Variants in USP32 observed in about 807,000 individuals in gnomAD.
The protein encoded by USP32 is ubiquitin carboxyl-terminal hydrolase 32.
A neutral mutation model predicts 204.8 loss-of-function variants in USP32; 59 were observed. The ratio of observed to expected loss-of-function variants is 0.29; its 90% confidence interval spans 0.23 to 0.36. The LOEUF is 0.36. Ranked by LOEUF, USP32 falls within the 10% of genes least tolerant of loss-of-function variation. The pLI is 1.00. For synonymous variants in USP32, 517 were observed against 678.4 expected, an observed-to-expected ratio of 0.76 and a Z score of 3.70; for missense variants, 1,160 against 1,946.4, an observed-to-expected ratio of 0.60 and a Z score of 7.60.
chr17:60,202,450 CACACACACACA>C (rs1192843548), intron 26 of USP32, among the ~76,000 whole-genome samples: 2 of 149,152 alleles, frequency 1.3e-5, no homozygotes, highest in African/African-American at 2.5e-5. Flanking sequence ...AAATCACACA[CACACACACACA>C]CACACACACA....
chr17:60,386,833 G>A (rs546097698), intron 1 of USP32, among the ~76,000 whole-genome samples: 6 of 152,202 alleles, frequency 3.9e-5, no homozygotes, highest in South Asian at 4.1e-4. Flanking sequence ...CCAAACCTAC[G>A]AACTAAAGAT....
chr17:60,304,723 T>C (rs1567841462), intron 2 of USP32, among the ~76,000 whole-genome samples: 1 of 152,212 alleles, frequency 6.6e-6, no homozygotes, highest in African/African-American at 2.4e-5. Context: ...TGGTTTATTA[T>C]ACCAATTCAC....
intron 9 of USP32, among the ~76,000 whole-genome samples, chr17:60,260,483 A>G (rs2086424527): frequency 6.6e-6 from 1 of 151,586 alleles, no homozygotes; most frequent in Non-Finnish European, 1.5e-5. Flanking sequence ...AAATCACGCT[A>G]TTACACTCCA....
At chr17:60,332,006 G>A (rs546277215) in intron 2 of USP32, among the ~76,000 whole-genome samples, 10 of 152,328 alleles carry the variant, frequency 6.6e-5, no homozygotes, top group Admixed American at 5.9e-4. Context: ...ACTTTGGGAG[G>A]CCAAGGTGGG....
chr17:60,260,888 T>C (rs1019548316), intron 9 of USP32, among the ~76,000 whole-genome samples: 3 of 152,092 alleles, frequency 2.0e-5, no homozygotes, highest in African/African-American at 7.2e-5. Context: ...AAATTTTAAT[T>C]CTTAAAACAA....
At chr17:60,212,547 T>C (rs2084997989) in intron 18 of USP32, among the ~76,000 whole-genome samples, 2 of 151,970 alleles carry the variant, frequency 1.3e-5, no homozygotes, top group South Asian at 4.1e-4. Flanking sequence ...TGCCTGTAAT[T>C]GGCTCTAAAA....
chr17:60,386,124 A>G (rs1321002266), intron 1 of USP32, among the ~76,000 whole-genome samples: 1 of 152,142 alleles, frequency 6.6e-6, no homozygotes, highest in Non-Finnish European at 1.5e-5. Context: ...AATTAACTAC[A>G]TACCTCTAAC....
At chr17:60,391,822 C>T in intron 1 of USP32, 60 bp downstream of exon 1, 4 of 1,567,380 alleles carry the variant, frequency 2.6e-6, no homozygotes, top group South Asian at 2.3e-5. Context: ...CGGTTACCCA[C>T]CCTCCAGGCT....
chr17:60,208,625 A>C, intron 23 of USP32, 29 bp downstream of exon 23: 1 of 1,469,770 alleles, frequency 6.8e-7, no homozygotes, highest in Non-Finnish European at 9.0e-7. Context: ...TAATGGAGTC[A>C]AGTAATTTTT....
At chr17:60,226,460 C>A (rs538544032) in intron 12 of USP32, among the ~76,000 whole-genome samples, 1 of 152,132 alleles carries the variant, frequency 6.6e-6, no homozygotes, top group South Asian at 2.1e-4. Flanking sequence ...GGATTTTGTG[C>A]CACATAAAGT....
intron 2 of USP32, chr17:60,316,159 G>GT (rs1283695302): frequency 3.6e-6 from 1 of 277,596 alleles, no homozygotes; most frequent in Non-Finnish European, 7.2e-6. Flanking sequence ...TGCCAAACAT[G>GT]TAACAATTAT....
rs752268651 is a variant in USP32 at position 60,240,980 on chromosome 17, G to A, written c.1137-4740C>T. ...AGTAGCTTTTCTGGTAGCCCCAGAC[G>A]GTTTAGACAAACACAACTTGTTTTG... On this transcript the variant is annotated intron_variant, in intron 11 of 33. Transcript: ENST00000300896. Among the ~76,000 whole-genome samples, 6 of 152,142 alleles carry A rather than the reference G, an allele frequency of 3.9e-5. No individual in the cohort carries two copies. The South Asian group carries it at 1.0e-3, about 26-fold the overall frequency.
intron 2 of USP32, among the ~76,000 whole-genome samples, chr17:60,321,022 G>A (rs1362107705): frequency 1.3e-5 from 2 of 152,094 alleles, no homozygotes; most frequent in African/African-American, 4.8e-5. Context: ...GTAGCACAAA[G>A]TATATGGCAC....
In USP32 at chr17:60,242,177, G is replaced by A. The variant is rs149764035; in HGVS notation, c.1137-5937C>T. Among the ~76,000 whole-genome samples the A allele has an allele frequency of 1.3e-5, 2 of 152,078 alleles. 1 individual carries two copies. The highest frequency in any genetic ancestry group is 4.1e-4 in the South Asian group (2 of 4,820). On this transcript the variant is annotated intron_variant, in intron 11 of 33. Coordinates refer to ENST00000300896, the MANE Select transcript of USP32 (RefSeq NM_032582.4). ...GGCTGGTATGAGGTGGCTATTCACAGGTGTGATCACTGCATACTCACACTA... is the reference window on the plus strand; with the variant it reads ...GGCTGGTATGAGGTGGCTATTCACAAGTGTGATCACTGCATACTCACACTA...
At chr17:60,321,847 G>A (rs1053224667) in intron 2 of USP32, among the ~76,000 whole-genome samples, 1 of 150,828 alleles carries the variant, frequency 6.6e-6, no homozygotes, top group Non-Finnish European at 1.5e-5. Context: ...TAACACCTCA[G>A]TGGTAACTAT....
Position 60,249,687 on chromosome 17 carries a change from A to G in USP32, c.1136+2694T>C, listed in dbSNP as rs78812326. ...ACCACACACTTCCATTGTTCTCACC[A>G]AGGATTAGTAGTTCTTGAATAAATG... On this transcript the variant is annotated intron_variant, in intron 11 of 33. Transcript: ENST00000300896. 7.0e-3 allele frequency: 4,894 copies of G among 698,300 alleles called. 186 individuals carry two copies. The African/African-American group carries it at 0.075, about 11-fold the overall frequency. 43.3% of individuals were successfully genotyped at this position (698,300 alleles called of 1,614,324 possible). A position where few individuals can be genotyped will look rare whatever the true frequency, so the allele number is the denominator to read the frequency against.
chr17:60,339,928 G>A (rs1209992744), intron 2 of USP32, among the ~76,000 whole-genome samples: 1 of 152,134 alleles, frequency 6.6e-6, no homozygotes, highest in Non-Finnish European at 1.5e-5. Context: ...AGGGAATAAA[G>A]TTCTTTCCAT....
intron 11 of USP32, among the ~76,000 whole-genome samples, chr17:60,246,399 G>GTATA (rs1036551648): frequency 2.5e-4 from 37 of 147,676 alleles, no homozygotes; most frequent in African/African-American, 8.6e-4. Context: ...ATGTGTGTGT[G>GTATA]TATATATATA....
chr17:60,212,896 G>C (rs1188090639), intron 18 of USP32, among the ~76,000 whole-genome samples: 1 of 152,004 alleles, frequency 6.6e-6, no homozygotes, highest in Non-Finnish European at 1.5e-5. Flanking sequence ...TGGGACTACA[G>C]GCACGTGCCA....
Sources: gnomAD v4.1 joint callset for allele counts (sites outside exome capture counted in the v4.1 genomes callset) on GRCh38, gnomAD v4.1.1 for gene constraint, MANE v1.5 for transcripts, NCBI Gene and HGNC (gene_info 2026-07-23, HGNC 2026-07-21) for gene names.